Variants in ADGRA3 observed in about 807,000 individuals in gnomAD.
ADGRA3 encodes the protein adhesion G protein-coupled receptor A3.
Under a neutral mutation model 119.8 loss-of-function variants are expected in ADGRA3, and 56 were observed. The ratio of observed to expected loss-of-function variants is 0.47; its 90% CI spans 0.38 to 0.58. The LOEUF is 0.58. ADGRA3 is among the 20% of genes least tolerant of loss of function. The pLI is 0.00. For missense variants in ADGRA3, 1,516 were observed against 1,649.0 expected (o/e 0.92, Z 1.40); for synonymous variants, 607 against 623.8 (o/e 0.97, Z 0.40).
At chr4:22,475,948 A>C (rs1718029282) in intron 1 of ADGRA3, among the ~76,000 whole-genome samples, 1 of 152,056 alleles carries the variant, frequency 6.6e-6, no homozygotes, top group Non-Finnish European at 1.5e-5. Flanking sequence ...TTTTTAAAAA[A>C]TGTTTTCTGA....
At chr4:22,423,935 CA>C (rs1385052777) in intron 11 of ADGRA3, among the ~76,000 whole-genome samples, 1 of 151,692 alleles carries the variant, frequency 6.6e-6, no homozygotes, top group African/African-American at 2.4e-5. Flanking sequence ...TACTCAAAAG[CA>C]AAATTAACTT....
Position 22,413,396 on chromosome 4 carries a change from G to A in ADGRA3, c.2024-6C>T. ...GGTATCTACATTCACACCATCTGGA[G>A]AAAATGGGAAATAAAAATATTTCTG... On this transcript the variant is annotated splice_region_variant and splice_polypyrimidine_tract_variant and intron_variant, in intron 13 of 18. Coordinates refer to ENST00000334304, the MANE Select transcript of ADGRA3 (RefSeq NM_145290.4). The A allele has an allele frequency of 1.2e-6, 2 of 1,608,450 alleles. No individual in the cohort carries two copies. Among genetic ancestry groups the A allele is most frequent in the Non-Finnish European group, 1.7e-6 (2 of 1,174,954 alleles).
At position 22,443,886 on chromosome 4, in the gene ADGRA3, T is replaced by C. The variant is rs1460077534; in HGVS notation, c.707-1023A>G. On this transcript the variant is annotated intron_variant, in intron 6 of 18. Coordinates refer to ENST00000334304, the MANE Select transcript of ADGRA3 (RefSeq NM_145290.4). ...TTTTCATTCAGTGAGCATATTTTAC[T>C]TGTGATACAACAATAATAATAAAGA... 2.0e-5 allele frequency among the ~76,000 whole-genome samples: 3 copies of C among 152,162 alleles called. No individual in the cohort carries two copies. The East Asian group carries it at 5.8e-4, about 29-fold the overall frequency.
intron 5 of ADGRA3, among the ~76,000 whole-genome samples, chr4:22,445,583 T>C (rs961959896): frequency 2.0e-5 from 3 of 152,220 alleles, no homozygotes; most frequent in African/African-American, 7.2e-5. Context: ...CTGCTGATTC[T>C]GGCAATCAAA....
Position 22,388,488 on chromosome 4 carries a change from G to A in ADGRA3, c.3183C>T (p.Cys1061=), listed in dbSNP as rs773124419. Residue 1061 remains cysteine, a synonymous_variant, in exon 19 of 19, where the codon TGC becomes TGT. Transcript: ENST00000334304. ...CTGAATACGAGCTCCGTCCTGGGCA[G>A]CAAGTCATGATCCACGCAAGTCTAA... is the stretch of plus-strand genomic sequence containing the variant. The part of the protein sequence containing the change: ...EDVRLAWIMT[C]CPGRSSYSVQ... 1.2e-6 allele frequency: 2 copies of A among 1,613,972 alleles called. No individual in the cohort carries two copies. Among genetic ancestry groups the A allele is most frequent in the South Asian group, 2.2e-5 (2 of 91,084 alleles).
At chr4:22,445,184 C>T in intron 5 of ADGRA3, 51 bp from the exon 6 acceptor site, 1 of 1,553,792 alleles carries the variant, frequency 6.4e-7, no homozygotes, top group Non-Finnish European at 8.9e-7. Context: ...AATTAAATAG[C>T]ACTTTTGTTT....
chr4:22,414,539 T>C, intron 12 of ADGRA3: 1 of 674,318 alleles, frequency 1.5e-6, no homozygotes, highest in Non-Finnish European at 2.7e-6. Flanking sequence ...GTTGAAGAAT[T>C]TATTGTACAA....
intron 17 of ADGRA3, among the ~76,000 whole-genome samples, chr4:22,391,909 AT>A (rs2108994096): frequency 6.6e-6 from 1 of 151,654 alleles, no homozygotes; most frequent in East Asian, 2.0e-4. Context: ...CTTTCTTTAC[AT>A]TTTCAAAGAA....
intron 1 of ADGRA3, among the ~76,000 whole-genome samples, chr4:22,480,696 T>G (rs1312427756): frequency 6.6e-6 from 1 of 152,210 alleles, no homozygotes; most frequent in Non-Finnish European, 1.5e-5. Flanking sequence ...GCAAAATTAT[T>G]CATTGCACTA....
chr4:22,457,264 A>T (rs1377261603), intron 3 of ADGRA3, among the ~76,000 whole-genome samples: 2 of 152,204 alleles, frequency 1.3e-5, no homozygotes, highest in Admixed American at 1.3e-4. Flanking sequence ...CAACTTCCTA[A>T]ATCAAATTAT....
At chr4:22,389,039 TAA>T in intron 18 of ADGRA3, 47 bp downstream of exon 18, 1 of 1,599,010 alleles carries the variant, frequency 6.3e-7, no homozygotes, top group Non-Finnish European at 8.5e-7. Flanking sequence ...AGAAAATACT[TAA>T]AAGAGAAACA....
chr4:22,405,587 T>G (rs922644355), intron 14 of ADGRA3, among the ~76,000 whole-genome samples: 4 of 149,670 alleles, frequency 2.7e-5, no homozygotes, highest in African/African-American at 4.9e-5. Flanking sequence ...AAAAGGAAAC[T>G]GCTATTTTTC....
At chr4:22,515,426 C>T in intron 1 of ADGRA3, 102 bp downstream of exon 1, 1 of 1,409,822 alleles carries the variant, frequency 7.1e-7, no homozygotes. Flanking sequence ...TACAGCTCCA[C>T]ACAAAGGCGC....
chr4:22,483,019 C>T (rs959299903), intron 1 of ADGRA3, among the ~76,000 whole-genome samples: 1 of 152,192 alleles, frequency 6.6e-6, no homozygotes, highest in African/African-American at 2.4e-5. Flanking sequence ...TGCATTTCTA[C>T]CCAGCAGACT....
intron 2 of ADGRA3, among the ~76,000 whole-genome samples, chr4:22,464,618 A>G (rs908962914): frequency 2.0e-5 from 3 of 152,194 alleles, no homozygotes; most frequent in African/African-American, 7.2e-5. Context: ...GGCAGCGCTC[A>G]CGCCTGCAGT....
chr4:22,470,941 A>G (rs565193266), intron 2 of ADGRA3, among the ~76,000 whole-genome samples: 7 of 152,288 alleles, frequency 4.6e-5, no homozygotes, highest in Middle Eastern at 3.4e-3. Context: ...CAGGCAGGGT[A>G]GTTATCCACC....
In ADGRA3 at chr4:22,387,802, C is replaced by T. The variant is rs1386213420; in HGVS notation, c.3869G>A (p.Gly1290Glu). The T allele has an allele frequency of 1.2e-6, 2 of 1,613,982 alleles. No individual in the cohort carries two copies. The highest frequency in any genetic ancestry group is 1.3e-5 in the African/African-American group (1 of 74,920). ...SYGLNLAIQNGPIKSNGQEGP... is the reference protein window; with the variant it reads ...SYGLNLAIQNEPIKSNGQEGP... Reference sequence around the variant, plus strand: ...CTCCTGCCCATTGCTTTTAATTGGTCCATTCTGAATGGCCAAGTTGAGGCC... The same window carrying T: ...CTCCTGCCCATTGCTTTTAATTGGTTCATTCTGAATGGCCAAGTTGAGGCC... Residue 1290 changes from glycine to glutamate, a missense_variant, in exon 19 of 19, where the codon GGA (glycine) becomes GAA (glutamate). Physicochemically the swap from Gly to Glu is moderately conservative, Grantham distance 98. Coordinates refer to ENST00000334304, the MANE Select transcript of ADGRA3 (RefSeq NM_145290.4).
chr4:22,488,571 T>C (rs1408563276), intron 1 of ADGRA3, among the ~76,000 whole-genome samples: 1 of 151,566 alleles, frequency 6.6e-6, no homozygotes, highest in East Asian at 2.0e-4. Context: ...AAGAGGGCCA[T>C]GGGAGGCAGA....
At chr4:22,509,508 AAAAG>A (rs1719364441) in intron 1 of ADGRA3, among the ~76,000 whole-genome samples, 1 of 139,622 alleles carries the variant, frequency 7.2e-6, no homozygotes, top group African/African-American at 2.9e-5. Context: ...ATCTCAAAAA[AAAAG>A]AAAAGAAAAG....
Sources: gnomAD v4.1 joint callset for allele counts (sites outside exome capture counted in the v4.1 genomes callset) on GRCh38, gnomAD v4.1.1 for gene constraint, MANE v1.5 for transcripts, NCBI Gene and HGNC (gene_info 2026-07-23, HGNC 2026-07-21) for gene names.